The following TENM3 variants were observed in gnomAD, a reference collection of about 807,000 sequenced individuals.
The protein encoded by TENM3 is teneurin-3.
Under a neutral mutation model 255.1 loss-of-function variants are expected in TENM3, and 63 were observed. That is an observed-to-expected ratio of 0.25 (90% CI 0.20 to 0.30). The LOEUF (loss-of-function observed/expected upper bound fraction) is 0.30, where lower values mean the gene tolerates loss of function less well. TENM3 is among the 10% of genes least tolerant of loss of function. TENM3 has a pLI of 1.00. For synonymous variants in TENM3, 1,306 were observed against 1,322.3 expected, an observed-to-expected ratio of 0.99 and a Z score of 0.27; for missense variants, 2,929 against 3,461.1, an observed-to-expected ratio of 0.85 and a Z score of 3.86.
chr4:182,343,671 C>T (rs979476820), intron 2 of TENM3, among the ~76,000 whole-genome samples: 7 of 129,088 alleles, frequency 5.4e-5, no homozygotes, highest in Admixed American at 1.9e-4. Flanking sequence ...CACCGCTTGT[C>T]GCAGTCAGGG....
intron 1 of TENM3, among the ~76,000 whole-genome samples, chr4:182,294,060 G>C (rs1761300927): frequency 6.6e-6 from 1 of 152,058 alleles, no homozygotes; most frequent in Non-Finnish European, 1.5e-5. Context: ...TCCTCTACCA[G>C]GGAGTCGGAA....
At position 182,755,018 on chromosome 4, in the gene TENM3, AATG is replaced by A; in HGVS notation, c.4654_4656del (p.Asp1552del). On this transcript the variant is annotated inframe_deletion, in exon 22 of 28. Coordinates refer to ENST00000511685, the MANE Select transcript of TENM3 (RefSeq NM_001080477.4). ...TTACAATTTTAGCTACAGCAATGACAATGATATTACTGCTGTGACAGACAGCAA... is the reference window on the plus strand; with the variant it reads ...TTACAATTTTAGCTACAGCAATGACAATATTACTGCTGTGACAGACAGCAA... 1 of 1,614,056 alleles carries A rather than the reference AATG, an allele frequency of 6.2e-7. No individual in the cohort carries two copies. The highest frequency in any genetic ancestry group is 8.5e-7 in the Non-Finnish European group (1 of 1,179,898).
chr4:182,450,586 T>A (rs1773374424), intron 3 of TENM3, among the ~76,000 whole-genome samples: 1 of 152,200 alleles, frequency 6.6e-6, no homozygotes, highest in Admixed American at 6.5e-5. Context: ...TATGTTTAAT[T>A]TAAAGAGGTG....
chr4:182,261,820 A>C, intron 1 of TENM3, among the ~76,000 whole-genome samples: 1 of 152,214 alleles, frequency 6.6e-6, no homozygotes, highest in East Asian at 1.9e-4. Context: ...CTATGCAGTC[A>C]AATCATGTGG....
At chr4:182,355,442 G>C (rs1561357290) in intron 3 of TENM3, among the ~76,000 whole-genome samples, 1 of 152,184 alleles carries the variant, frequency 6.6e-6, no homozygotes, top group Non-Finnish European at 1.5e-5. Flanking sequence ...CCTGAAAGCA[G>C]TGTGGAATAT....
intron 3 of TENM3, among the ~76,000 whole-genome samples, chr4:182,577,981 A>AT (rs1162433007): frequency 0.014 from 2,006 of 145,154 alleles, 38 homozygotes; most frequent in African/African-American, 0.043. Flanking sequence ...ACCCAATTTA[A>AT]TTTTTTTTTT....
At chr4:182,524,543 T>A (rs182198809) in intron 3 of TENM3, among the ~76,000 whole-genome samples, 2 of 151,840 alleles carry the variant, frequency 1.3e-5, no homozygotes, top group Non-Finnish European at 2.9e-5. Context: ...TATTTTTTTG[T>A]AGAGGCAGAG....
At chr4:181,819,701 C>T in the TENM3 span, among the ~76,000 whole-genome samples, 1 of 152,174 alleles carries the variant, frequency 6.6e-6, no homozygotes, top group African/African-American at 2.4e-5. Context: ...CCTTAGATCC[C>T]TCCCATGTGG....
the TENM3 span, among the ~76,000 whole-genome samples, chr4:181,633,266 C>A: frequency 6.6e-6 from 1 of 152,036 alleles, no homozygotes; most frequent in Non-Finnish European, 1.5e-5. Context: ...GCAAATTATC[C>A]GAGGAAAACC....
At chr4:181,594,489 C>G in the TENM3 span, among the ~76,000 whole-genome samples, 34 of 152,266 alleles carry the variant, frequency 2.2e-4, no homozygotes, top group African/African-American at 7.9e-4. Flanking sequence ...CCAAACAAAA[C>G]AGCCTCCTTA....
At chr4:182,597,730 C>T (rs985424954) in intron 3 of TENM3, among the ~76,000 whole-genome samples, 1 of 152,136 alleles carries the variant, frequency 6.6e-6, no homozygotes, top group African/African-American at 2.4e-5. Flanking sequence ...TATCTTGTTA[C>T]ACTTTATATA....
the TENM3 span, among the ~76,000 whole-genome samples, chr4:181,631,542 A>C: frequency 6.6e-6 from 1 of 152,068 alleles, no homozygotes; most frequent in East Asian, 1.9e-4. Flanking sequence ...CACCTGCCTC[A>C]GCCTCCCAAA....
chr4:182,455,558 T>C (rs954851329), intron 3 of TENM3, among the ~76,000 whole-genome samples: 37 of 97,332 alleles, frequency 3.8e-4, no homozygotes, highest in Non-Finnish European at 5.9e-4. Flanking sequence ...TATTTCTTTT[T>C]TTTTTTTTTT....
At chr4:182,419,358 A>C (rs1438469927) in intron 3 of TENM3, among the ~76,000 whole-genome samples, 1 of 152,198 alleles carries the variant, frequency 6.6e-6, no homozygotes, top group African/African-American at 2.4e-5. Context: ...ATCATTAAAA[A>C]GTCAGGAAAC....
the TENM3 span, among the ~76,000 whole-genome samples, chr4:181,622,812 C>T: frequency 1.3e-5 from 2 of 152,152 alleles, no homozygotes; most frequent in African/African-American, 2.4e-5. Context: ...TCCACATTCC[C>T]TTTCTCTGGT....
At chr4:181,919,447 C>T in the TENM3 span, among the ~76,000 whole-genome samples, 6 of 149,872 alleles carry the variant, frequency 4.0e-5, no homozygotes, top group African/African-American at 1.2e-4. Flanking sequence ...TGGAGGTTTT[C>T]GTTTGACCCT....
At chr4:182,409,343 A>T (rs1769808769) in intron 3 of TENM3, among the ~76,000 whole-genome samples, 2 of 152,210 alleles carry the variant, frequency 1.3e-5, no homozygotes, top group African/African-American at 4.8e-5. Context: ...CACAACTTCT[A>T]TTAGAAAATG....
the TENM3 span, among the ~76,000 whole-genome samples, chr4:181,873,050 T>C: frequency 6.6e-6 from 1 of 152,126 alleles, no homozygotes; most frequent in Non-Finnish European, 1.5e-5. Context: ...TAGCTTTAAG[T>C]CTTACTTCTC....
chr4:181,624,856 G>A, the TENM3 span, among the ~76,000 whole-genome samples: 1 of 152,152 alleles, frequency 6.6e-6, no homozygotes, highest in Non-Finnish European at 1.5e-5. Flanking sequence ...AGGTTGGAAG[G>A]TCCACCATGG....
Sources: gnomAD v4.1 joint callset for allele counts (sites outside exome capture counted in the v4.1 genomes callset) on GRCh38, gnomAD v4.1.1 for gene constraint, MANE v1.5 for transcripts, NCBI Gene and HGNC (gene_info 2026-07-23, HGNC 2026-07-21) for gene names.